HELZ2: variants seen among roughly 807,000 people sequenced by gnomAD.
HELZ2 encodes 3'-5' exoribonuclease HELZ2.
A neutral mutation model predicts 208.8 loss-of-function variants in HELZ2; 143 were observed. That is an observed-to-expected ratio of 0.68 (90% CI 0.60 to 0.79). The LOEUF (loss-of-function observed/expected upper bound fraction) is 0.79. HELZ2 is among the 30% of genes least tolerant of loss of function. The pLI is 0.00. For missense variants in HELZ2, 3,690 were observed against 3,794.5 expected (o/e 0.97, Z 0.72); for synonymous variants, 1,705 against 1,693.7 (o/e 1.01, Z -0.16).
In HELZ2 at chr20:63,562,456, C is replaced by T. The variant is rs1040752281; in HGVS notation, c.6302+64G>A. On this transcript the variant is annotated intron_variant, in intron 8 of 18. Transcript: ENST00000467148. Reference sequence around the variant, plus strand: ...GGGCTGCTGCCCCACGAGCTCCCCCCTCCTGCAAGTGAGGGGCCCGGGGCG... The same window carrying T: ...GGGCTGCTGCCCCACGAGCTCCCCCTTCCTGCAAGTGAGGGGCCCGGGGCG... 2.6e-6 allele frequency: 4 copies of T among 1,528,182 alleles called. No individual in the cohort carries two copies. The South Asian group carries it at 3.6e-5, about 14-fold the overall frequency. The allele number at this position is 1,528,182 out of a possible 1,614,324, so 94.7% of individuals were successfully genotyped here.
At chr20:63,565,901 C>G (rs2082950587) in exon 8 of HELZ2, 2 of 1,597,198 alleles carry the variant, frequency 1.3e-6, no homozygotes, top group African/African-American at 1.3e-5. Context: ...GGCAGCCTCC[C>G]AGTTCCCCGC....
chr20:63,568,892 G>T, exon 5 of HELZ2: 1 of 1,611,602 alleles, frequency 6.2e-7, no homozygotes, highest in Non-Finnish European at 8.5e-7. Context: ...CATCAGGGAG[G>T]AGGGGACGGG....
rs763958639 is a variant in HELZ2 at position 63,564,277 on chromosome 20, G to A, written c.4545C>T (p.Thr1515=). 1.9e-6 allele frequency: 3 copies of A among 1,610,580 alleles called. No individual in the cohort carries two copies. The Admixed American group carries it at 5.0e-5, about 27-fold the overall frequency. Reference sequence around the variant, plus strand: ...TGATGTGGGCCGCGCGGAAGCCCAGGGTGCCGTCCTCGTCCGGCTGCTCAT... The same window carrying A: ...TGATGTGGGCCGCGCGGAAGCCCAGAGTGCCGTCCTCGTCCGGCTGCTCAT... The change falls in exon 8 of 19, where the codon ACC becomes ACT. Residue 1515 remains threonine, a synonymous_variant. Coordinates refer to ENST00000467148, the Ensembl canonical transcript of HELZ2.
At chr20:63,560,676 G>A (rs201132546) in exon 16 of HELZ2, 1 of 1,609,004 alleles carries the variant, frequency 6.2e-7, no homozygotes, top group Non-Finnish European at 8.5e-7. Context: ...GCCACAGAGG[G>A]GAAGGCACAG....
chr20:63,572,531 G>C (rs966325234), upstream of HELZ2: 4 of 874,472 alleles, frequency 4.6e-6, no homozygotes, highest in Admixed American at 9.2e-5. Flanking sequence ...GCGGCCCTCG[G>C]CGCTCACGTG....
In HELZ2 at chr20:63,562,604, A is replaced by G. The variant is rs772869000; in HGVS notation, c.6218T>C (p.Met2073Thr). 14 of 1,597,770 alleles carry G rather than the reference A, an allele frequency of 8.8e-6. No individual in the cohort carries two copies. In the East Asian group the frequency reaches 2.7e-4, roughly 31 times the overall value. ...CTCTTCCGGAACCTTCTCCATGCCC[A>G]TGTGGTGGACGAAGAGGTGCACCCG... The change falls in exon 8 of 19, where the codon ATG (methionine) becomes ACG (threonine). Residue 2073 changes from methionine (M) to threonine (T), a missense_variant. Met to Thr is a moderately conservative substitution (Grantham distance 81, BLOSUM62 -1). This residue lies in a region of HELZ2 where 2,564 missense variants were observed against 2,580.5 expected (regional missense o/e 0.99). Transcript: ENST00000467148.
chr20:63,565,633 C>T (rs371443983), exon 8 of HELZ2: 38 of 1,610,634 alleles, frequency 2.4e-5, no homozygotes, highest in Middle Eastern at 3.3e-4. Flanking sequence ...CCCCGTCCCA[C>T]GGCCAGAAGT....
At chr20:63,565,057 G>A (rs778361463) in exon 8 of HELZ2, 3 of 1,562,328 alleles carry the variant, frequency 1.9e-6, no homozygotes, top group Non-Finnish European at 2.6e-6. Context: ...CCTCGGCGGT[G>A]AGCCTCTCAA....
At chr20:63,565,546 G>A (rs368505725) in exon 8 of HELZ2, 94 of 1,606,720 alleles carry the variant, frequency 5.9e-5, no homozygotes, top group Middle Eastern at 4.9e-4. Flanking sequence ...CCAGCAGCCC[G>A]TCCTCCCCGA....
intron 4 of HELZ2, 73 bp downstream of exon 5, chr20:63,569,075 C>A: frequency 6.3e-7 from 1 of 1,586,486 alleles, no homozygotes; most frequent in Non-Finnish European, 8.5e-7. Flanking sequence ...CCCATCCGCT[C>A]CCGTTGCCCC....
chr20:63,560,596 G>C, exon 16 of HELZ2: 1 of 1,611,928 alleles, frequency 6.2e-7, no homozygotes, highest in Non-Finnish European at 8.5e-7. Context: ...AGCTCTCCTT[G>C]CCAGCGTGGC....
rs375567322 is a variant in HELZ2 at position 63,566,025 on chromosome 20, G to A, written c.2797C>T (p.Arg933Cys). The A allele has an allele frequency of 8.7e-5, 139 of 1,593,576 alleles. 2 individuals are homozygous for A. Among genetic ancestry groups the A allele is most frequent in the Admixed American group, 4.9e-4 (29 of 59,322 alleles). The change falls in exon 8 of 19, where the codon CGT becomes TGT. Residue 933 changes from arginine to cysteine, a missense_variant. By Grantham distance (180) the Arg-to-Cys change is radical. Transcript: ENST00000467148. ...ACACTGTGCCGCTCCACGCACTCAC[G>A]GATGAAGCTCTCCCAGAGCTTGCCG...
exon 10 of HELZ2, chr20:63,562,152 C>T (rs770848307): frequency 2.1e-5 from 34 of 1,608,286 alleles, no homozygotes; most frequent in Middle Eastern, 1.7e-4. Flanking sequence ...CAGCTTGTGG[C>T]GGCCTCCGGG....
intron 3 of HELZ2, chr20:63,570,195 G>A: frequency 1.9e-6 from 1 of 523,416 alleles, no homozygotes; most frequent in Middle Eastern, 4.7e-4. Flanking sequence ...CCCGACCTCA[G>A]GTGATCCACC....
chr20:63,564,535 C>T (rs1600974346), exon 8 of HELZ2: 1 of 1,577,570 alleles, frequency 6.3e-7, no homozygotes, highest in African/African-American at 1.3e-5. Flanking sequence ...TGGTGAGGAA[C>T]AGGGAGATGG....
chr20:63,565,651 T>G, exon 8 of HELZ2: 1 of 1,610,556 alleles, frequency 6.2e-7, no homozygotes, highest in Non-Finnish European at 8.5e-7. Context: ...AGTCAGCCTC[T>G]GCATCCTCAG....
chr20:63,565,830 C>T (rs750057275), exon 8 of HELZ2: 4 of 1,599,182 alleles, frequency 2.5e-6, no homozygotes. Context: ...CCCGGCTCTG[C>T]CTTCACCATG....
At chr20:63,569,662 G>A (rs1035506792) in exon 4 of HELZ2, 4 of 1,523,936 alleles carry the variant, frequency 2.6e-6, no homozygotes, top group Non-Finnish European at 3.5e-6. Flanking sequence ...TGTAGCAGGG[G>A]CTCCTGGAGA....
At chr20:63,558,778 T>C (rs2082842838), downstream of HELZ2, 1 of 152,754 alleles carries the variant, frequency 6.5e-6, no homozygotes. Context: ...CCTCAGGTGA[T>C]CTGCCCGCCT....
Sources: allele counts gnomAD v4.1 joint callset, GRCh38; gene constraint gnomAD v4.1.1; regional missense constraint gnomAD v4.1.1; transcripts MANE v1.5; gene names NCBI Gene and HGNC (gene_info 2026-07-23, HGNC 2026-07-21).